ANKRA2: variants seen among roughly 807,000 people sequenced by gnomAD.
ANKRA2 encodes the protein ankyrin repeat family A protein 2.
A neutral mutation model predicts 37.8 loss-of-function variants in ANKRA2; 33 were observed. The observed-to-expected ratio is 0.87, with a 90% CI of 0.66 to 1.17. The LOEUF (loss-of-function observed/expected upper bound fraction) is 1.17. Among genes scored for constraint, ANKRA2 ranks in the 50% most tolerant of loss-of-function variants. The pLI, the probability that ANKRA2 is intolerant of heterozygous loss-of-function variation, is 0.00. For missense variants in ANKRA2, 326 were observed against 373.7 expected, an observed-to-expected ratio of 0.87 and a Z score of 1.05; for synonymous variants, 126 against 132.3, an observed-to-expected ratio of 0.95 and a Z score of 0.33.
intron 4 of ANKRA2, among the ~76,000 whole-genome samples, chr5:73,557,249 T>C (rs1441328568): frequency 1.3e-5 from 2 of 151,834 alleles, no homozygotes; most frequent in African/African-American, 4.8e-5. Context: ...AGTGTATATT[T>C]TCCCTTTTGT....
intron 7 of ANKRA2, 39 bp downstream of exon 7, chr5:73,554,283 A>T: frequency 6.4e-7 from 1 of 1,570,146 alleles, no homozygotes; most frequent in Non-Finnish European, 8.8e-7. Context: ...AATAAAATCA[A>T]GTCCTCACAT....
chr5:73,564,473 C>G (rs1490973435), intron 1 of ANKRA2, among the ~76,000 whole-genome samples: 1 of 152,212 alleles, frequency 6.6e-6, no homozygotes, highest in Admixed American at 6.5e-5. Flanking sequence ...AGTACTTGGT[C>G]CTACCAGGTG....
Position 73,565,487 on chromosome 5 carries a change from G to T in ANKRA2, c.-460C>A, listed in dbSNP as rs1031352296. The T allele has an allele frequency of 7.8e-6, 2 of 255,648 alleles. No homozygotes were observed. The highest frequency in any genetic ancestry group is 7.3e-5 in the South Asian group (2 of 27,258). The allele number at this position is 255,648 out of a possible 1,614,324, so 15.8% of individuals were successfully genotyped here. The stretch of plus-strand genomic sequence containing the variant: ...AAAAACGTTCCGCAGCAATGCAGCT[G>T]AAACTTTCGGGTTTTCTTTTTTTTG... On this transcript the variant is annotated 5_prime_UTR_variant, in exon 1 of 9. Transcript: ENST00000296785.
Position 73,557,727 on chromosome 5 carries a change from C to T in ANKRA2, c.449-87G>A, listed in dbSNP as rs557431987. On this transcript the variant is annotated intron_variant, in intron 3 of 8. Coordinates refer to ENST00000296785, the MANE Select transcript of ANKRA2 (RefSeq NM_023039.5). ...GGTTCATGTTTGTGTCACCAATTTTCTTTTCCAAAACAAAAACTACAATTT... is the reference window on the plus strand; with the variant it reads ...GGTTCATGTTTGTGTCACCAATTTTTTTTTCCAAAACAAAAACTACAATTT... The T allele has an allele frequency of 3.3e-6, 3 of 912,468 alleles. No individual in the cohort carries two copies. In the South Asian group the frequency reaches 5.2e-5, roughly 16 times the overall value. The allele number at this position is 912,468 out of a possible 1,614,324, so 56.5% of individuals were successfully genotyped here.
chr5:73,558,974 G>A (rs1395816098), intron 3 of ANKRA2, among the ~76,000 whole-genome samples: 1 of 152,156 alleles, frequency 6.6e-6, no homozygotes, highest in Non-Finnish European at 1.5e-5. Context: ...ATTCTATGGT[G>A]GATTATTTTA....
intron 8 of ANKRA2, 96 bp from the exon 9 acceptor site, chr5:73,552,948 A>G: frequency 9.1e-7 from 1 of 1,104,746 alleles, no homozygotes. Context: ...TTCCTAAAAT[A>G]AAGTTATTTC....
intron 1 of ANKRA2, among the ~76,000 whole-genome samples, chr5:73,564,812 A>T (rs1179847846): frequency 1.3e-5 from 2 of 152,158 alleles, no homozygotes; most frequent in Non-Finnish European, 2.9e-5. Context: ...ATCTTGGCAC[A>T]GCAGTTTAAC....
chr5:73,563,655 A>G (rs1049396457), intron 1 of ANKRA2, among the ~76,000 whole-genome samples: 2 of 152,224 alleles, frequency 1.3e-5, no homozygotes, highest in Admixed American at 6.5e-5. Flanking sequence ...TAGGTAGATT[A>G]TGGATTGGCT....
chr5:73,557,817 C>T (rs1747441989), intron 3 of ANKRA2, among the ~76,000 whole-genome samples, 177 bp from the exon 4 acceptor site: 2 of 152,156 alleles, frequency 1.3e-5, no homozygotes, highest in African/African-American at 4.8e-5. Flanking sequence ...TGGCTCATGC[C>T]CGTAATCCCA....
Position 73,554,406 on chromosome 5 carries a change from G to T in ANKRA2, c.739-18C>A. On this transcript the variant is annotated intron_variant, in intron 6 of 8. Coordinates refer to ENST00000296785, the MANE Select transcript of ANKRA2 (RefSeq NM_023039.5). ...CCTCCATTCTGCAAAATGAAAAGGT[G>T]ATTCAGAGTTTTTCACGGTGAGCAA... 2 of 1,582,962 alleles carry T rather than the reference G, an allele frequency of 1.3e-6. No homozygotes were observed. The highest frequency in any genetic ancestry group is 1.7e-6 in the Non-Finnish European group (2 of 1,153,064).
intron 3 of ANKRA2, among the ~76,000 whole-genome samples, chr5:73,560,102 A>G (rs1317649571): frequency 1.3e-5 from 2 of 152,156 alleles, no homozygotes; most frequent in Non-Finnish European, 1.5e-5. Flanking sequence ...TATATGAAAA[A>G]GTTTACAACT....
At chr5:73,554,012 C>T (rs1241252962) in intron 7 of ANKRA2, among the ~76,000 whole-genome samples, 1 of 152,104 alleles carries the variant, frequency 6.6e-6, no homozygotes, top group Non-Finnish European at 1.5e-5. Flanking sequence ...TCAAGTGATC[C>T]ACCCACCTCG....
rs115995624 is a variant in ANKRA2, at chr5:73,560,875, C to A, written c.448+255G>T. On this transcript the variant is annotated intron_variant, in intron 3 of 8. Transcript: ENST00000296785. ...CTGAGTTCTACTTTTACAGATGTCT[C>A]ATATAGTGAGATCGTGTGGTATTTG... 2.4e-3 allele frequency among the ~76,000 whole-genome samples: 363 copies of A among 152,294 alleles called. 1 individual carries two copies. Among genetic ancestry groups the A allele is most frequent in the African/African-American group, 8.6e-3 (356 of 41,552 alleles).
chr5:73,563,302 T>C lies in ANKRA2; in HGVS notation c.-104-317A>G, dbSNP rs1344094254. 2.0e-5 allele frequency among the ~76,000 whole-genome samples: 3 copies of C among 152,248 alleles called. No individual in the cohort carries two copies. The East Asian group carries it at 5.8e-4, about 29-fold the overall frequency. On this transcript the variant is annotated intron_variant, in intron 1 of 8. Coordinates refer to ENST00000296785, the MANE Select transcript of ANKRA2 (RefSeq NM_023039.5). ...TACAGTGATATTCTCACCTCCATCA[T>C]TAAATTCCAATACATTTTAGTTACT...
At chr5:73,564,260 T>C (rs924201679) in intron 1 of ANKRA2, among the ~76,000 whole-genome samples, 3 of 152,232 alleles carry the variant, frequency 2.0e-5, no homozygotes, top group African/African-American at 7.2e-5. Flanking sequence ...CAATGTGAAC[T>C]GTGTTTCCTG....
At position 73,565,633 on chromosome 5, in the gene ANKRA2, A is replaced by G. The variant is rs1238985414; in HGVS notation, c.-606T>C. On this transcript the variant is annotated 5_prime_UTR_variant, in exon 1 of 9. Coordinates refer to ENST00000296785, the MANE Select transcript of ANKRA2 (RefSeq NM_023039.5). ...TGACGGTTCTGGGTCACCAGAGCAG[A>G]GGAAGCCCCAATTTCGCCCTCCGGT... 1 of 403,058 alleles carries G rather than the reference A, an allele frequency of 2.5e-6. No individual in the cohort carries two copies. The highest frequency in any genetic ancestry group is 5.0e-6 in the Non-Finnish European group (1 of 201,438). 25.0% of individuals were successfully genotyped at this position (403,058 alleles called of 1,614,324 possible). A position where few individuals can be genotyped will look rare whatever the true frequency, so the allele number is the denominator to read the frequency against.
chr5:73,562,177 C>T (rs1340643876), intron 2 of ANKRA2, among the ~76,000 whole-genome samples: 1 of 151,796 alleles, frequency 6.6e-6, no homozygotes, highest in East Asian at 2.0e-4. Flanking sequence ...CCACCATACC[C>T]GGCTAATTTT....
chr5:73,563,696 T>G lies in ANKRA2; in HGVS notation c.-104-711A>C, dbSNP rs115603774. Reference sequence around the variant, plus strand: ...AGATGTATAGTTGTCTTAGATACATTATCATTTGGGACAGAAAGGAAATTA... The same window carrying G: ...AGATGTATAGTTGTCTTAGATACATGATCATTTGGGACAGAAAGGAAATTA... On this transcript the variant is annotated intron_variant, in intron 1 of 8. Coordinates refer to ENST00000296785, the MANE Select transcript of ANKRA2 (RefSeq NM_023039.5). 7.4e-3 allele frequency among the ~76,000 whole-genome samples: 1,120 copies of G among 152,304 alleles called. 5 individuals are homozygous for G. The highest frequency in any genetic ancestry group is 0.011 in the Non-Finnish European group (767 of 68,032).
chr5:73,564,045 A>G (rs896631933), intron 1 of ANKRA2, among the ~76,000 whole-genome samples: 2 of 152,044 alleles, frequency 1.3e-5, no homozygotes, highest in African/African-American at 4.8e-5. Flanking sequence ...CATTAAAATG[A>G]GGCAGCCCTA....
Sources: gnomAD v4.1 joint callset for allele counts (sites outside exome capture counted in the v4.1 genomes callset) on GRCh38, gnomAD v4.1.1 for gene constraint, MANE v1.5 for transcripts, NCBI Gene and HGNC (gene_info 2026-07-23, HGNC 2026-07-21) for gene names.